KCND2: variants seen among roughly 807,000 people sequenced by gnomAD.
KCND2 encodes the protein potassium voltage-gated channel subfamily D member 2, also known as A-type voltage-gated potassium channel KCND2.
Under a neutral mutation model 54.4 loss-of-function variants are expected in KCND2, and 16 were observed. That is an observed-to-expected ratio of 0.29 (90% CI 0.20 to 0.45). KCND2 has a LOEUF of 0.45. Among genes scored for constraint, KCND2 ranks in the 20% least tolerant of loss-of-function variants. The probability of loss-of-function intolerance (pLI) is 1.00; values close to 1 mark genes in which losing one functional copy is unlikely to be tolerated. For synonymous variants in KCND2, 317 were observed against 310.7 expected (o/e 1.02, Z -0.21); for missense variants, 486 against 824.2 (o/e 0.59, Z 5.02).
intron 1 of KCND2, among the ~76,000 whole-genome samples, chr7:120,604,059 A>G (rs1427950090): frequency 6.6e-6 from 1 of 152,280 alleles, no homozygotes; most frequent in African/African-American, 2.4e-5. Context: ...AGCCATAGCT[A>G]GTAGGATCAT....
intron 1 of KCND2, among the ~76,000 whole-genome samples, chr7:120,671,561 C>T (rs373595943): frequency 1.3e-5 from 2 of 152,004 alleles, no homozygotes; most frequent in Admixed American, 6.6e-5. Context: ...ACAACAGCAA[C>T]CAACTCACTT....
intron 1 of KCND2, among the ~76,000 whole-genome samples, chr7:120,690,548 A>G (rs141425936): frequency 5.7e-4 from 87 of 152,284 alleles, no homozygotes; most frequent in Middle Eastern, 3.4e-3. Context: ...TGCATCACTG[A>G]CACCTTTTTC....
chr7:120,676,474 G>C (rs564157633), intron 1 of KCND2, among the ~76,000 whole-genome samples: 2 of 152,152 alleles, frequency 1.3e-5, no homozygotes, highest in African/African-American at 2.4e-5. Flanking sequence ...TGTATGGACT[G>C]TTAGTATTTC....
At chr7:120,715,786 A>G (rs921343371) in intron 1 of KCND2, among the ~76,000 whole-genome samples, 1 of 152,028 alleles carries the variant, frequency 6.6e-6, no homozygotes, top group Admixed American at 6.6e-5. Flanking sequence ...ACTTTATAGG[A>G]CTCAAAATAT....
intron 1 of KCND2, among the ~76,000 whole-genome samples, chr7:120,434,979 T>A (rs1051783202): frequency 1.3e-5 from 2 of 152,056 alleles, no homozygotes; most frequent in Admixed American, 1.3e-4. Context: ...AAAAAAAGAA[T>A]AATGGTATAT....
chr7:120,363,414 G>A (rs1800623250), intron 1 of KCND2, among the ~76,000 whole-genome samples: 3 of 151,990 alleles, frequency 2.0e-5, no homozygotes, highest in African/African-American at 4.8e-5. Flanking sequence ...AGCAATATTA[G>A]GGAATAGAAA....
chr7:120,718,763 T>C (rs530420428), intron 1 of KCND2, among the ~76,000 whole-genome samples: 1 of 152,244 alleles, frequency 6.6e-6, no homozygotes, highest in African/African-American at 2.4e-5. Context: ...GAGTAAGCCA[T>C]TGGGGCATTC....
chr7:120,608,752 A>C (rs1218277461), intron 1 of KCND2, among the ~76,000 whole-genome samples: 1 of 152,110 alleles, frequency 6.6e-6, no homozygotes, highest in Non-Finnish European at 1.5e-5. Context: ...TATAGCACCA[A>C]AACACCTCAA....
intron 1 of KCND2, among the ~76,000 whole-genome samples, chr7:120,693,905 G>T (rs1013495421): frequency 2.0e-5 from 3 of 152,150 alleles, no homozygotes; most frequent in African/African-American, 7.2e-5. Context: ...TAAATAGAAG[G>T]ATGCGTGCGG....
intron 1 of KCND2, among the ~76,000 whole-genome samples, chr7:120,303,681 CAAATT>C (rs1488050476): frequency 1.3e-5 from 2 of 152,122 alleles, no homozygotes; most frequent in African/African-American, 4.8e-5. Context: ...CAGCAGAAGA[CAAATT>C]AAATCTTTGC....
chr7:120,482,801 C>G (rs1584796688), intron 1 of KCND2, among the ~76,000 whole-genome samples: 1 of 151,890 alleles, frequency 6.6e-6, no homozygotes, highest in African/African-American at 2.4e-5. Flanking sequence ...TCTGTTATAG[C>G]AGCAAAAAAA....
intron 1 of KCND2, among the ~76,000 whole-genome samples, chr7:120,306,711 T>A (rs1456366723): frequency 6.6e-6 from 1 of 152,094 alleles, no homozygotes; most frequent in Non-Finnish European, 1.5e-5. Context: ...TTTTCAAATA[T>A]TGACTTCTAT....
intron 1 of KCND2, among the ~76,000 whole-genome samples, chr7:120,527,946 T>G (rs1052240197): frequency 1.3e-5 from 2 of 152,186 alleles, no homozygotes; most frequent in Non-Finnish European, 2.9e-5. Context: ...CCATCTGTTT[T>G]GATCACAAAG....
chr7:120,357,916 A>T (rs1563020805), intron 1 of KCND2, among the ~76,000 whole-genome samples: 1 of 152,226 alleles, frequency 6.6e-6, no homozygotes, highest in East Asian at 1.9e-4. Flanking sequence ...ATACAGCCAC[A>T]TCGGGGGTTG....
chr7:120,312,411 G>A (rs749914755), intron 1 of KCND2, among the ~76,000 whole-genome samples: 1 of 151,852 alleles, frequency 6.6e-6, no homozygotes, highest in Non-Finnish European at 1.5e-5. Flanking sequence ...CCAGTAATGC[G>A]ATTGCTGGGT....
intron 1 of KCND2, among the ~76,000 whole-genome samples, chr7:120,334,779 A>G (rs915766880): frequency 1.5e-4 from 23 of 152,194 alleles, no homozygotes; most frequent in African/African-American, 5.1e-4. Context: ...CACCCCCAGG[A>G]CACACTGTGG....
intron 1 of KCND2, among the ~76,000 whole-genome samples, chr7:120,669,768 G>T (rs1043146400): frequency 6.6e-6 from 1 of 152,076 alleles, no homozygotes; most frequent in Admixed American, 6.5e-5. Context: ...ATCTTAACCC[G>T]TGCTAAACTC....
At chr7:120,415,413 A>G (rs1801511279) in intron 1 of KCND2, among the ~76,000 whole-genome samples, 1 of 152,280 alleles carries the variant, frequency 6.6e-6, no homozygotes, top group Non-Finnish European at 1.5e-5. Flanking sequence ...CATCTGCACT[A>G]TCCACTCCTT....
At chr7:120,741,068 G>A (rs1286126731) in intron 2 of KCND2, among the ~76,000 whole-genome samples, 1 of 151,292 alleles carries the variant, frequency 6.6e-6, no homozygotes, top group African/African-American at 2.4e-5. Flanking sequence ...AAAAAGAAAG[G>A]AAGGAAGGAA....
Sources: gnomAD v4.1 joint callset for allele counts (sites outside exome capture counted in the v4.1 genomes callset) on GRCh38, gnomAD v4.1.1 for gene constraint, MANE v1.5 for transcripts, NCBI Gene and HGNC (gene_info 2026-07-23, HGNC 2026-07-21) for gene names.